The following FAM227B variants were observed in gnomAD, a reference collection of about 807,000 sequenced individuals.
FAM227B encodes protein FAM227B.
A neutral mutation model predicts 73.8 loss-of-function variants in FAM227B; 88 were observed. The ratio of observed to expected loss-of-function variants is 1.19; its 90% CI spans 1.00 to 1.42. The LOEUF (loss-of-function observed/expected upper bound fraction) is 1.42, where lower values mean the gene tolerates loss of function less well. Ranked by LOEUF, FAM227B falls within the 40% of genes most tolerant of loss-of-function variation. The pLI is 0.00. For missense variants in FAM227B, 632 were observed against 590.9 expected (o/e 1.07, Z -0.72); for synonymous variants, 210 against 190.5 (o/e 1.10, Z -0.84).
intron 11 of FAM227B, among the ~76,000 whole-genome samples, chr15:49,490,364 C>G (rs1328253550): frequency 6.6e-6 from 1 of 151,926 alleles, no homozygotes; most frequent in Non-Finnish European, 1.5e-5. Flanking sequence ...CAAAGTGATT[C>G]TGTTAAAATA....
At chr15:49,480,763 G>T (rs1365108376) in intron 11 of FAM227B, among the ~76,000 whole-genome samples, 6 of 152,130 alleles carry the variant, frequency 3.9e-5, no homozygotes, top group African/African-American at 1.4e-4. Flanking sequence ...GATTACAGGT[G>T]TGAGCTACCA....
chr15:49,583,953 T>C (rs1211091857), intron 5 of FAM227B, among the ~76,000 whole-genome samples: 3 of 152,152 alleles, frequency 2.0e-5, no homozygotes, highest in Admixed American at 6.5e-5. Flanking sequence ...GCTGGTACCA[T>C]ACCTGCTGAA....
chr15:49,601,516 C>T (rs2077204384), intron 3 of FAM227B, among the ~76,000 whole-genome samples: 1 of 151,852 alleles, frequency 6.6e-6, no homozygotes, highest in Non-Finnish European at 1.5e-5. Context: ...TTTGTGGGTG[C>T]ATGGTAGGTA....
At chr15:49,372,440 G>C (rs2045908329) in intron 11 of FAM227B, among the ~76,000 whole-genome samples, 1 of 152,110 alleles carries the variant, frequency 6.6e-6, no homozygotes, top group Admixed American at 6.6e-5. Flanking sequence ...GACATAAATT[G>C]GGTCTTTTGC....
chr15:49,360,118 T>G (rs2043939439), intron 13 of FAM227B, among the ~76,000 whole-genome samples: 1 of 148,288 alleles, frequency 6.7e-6, no homozygotes. Context: ...AGGGATAGCA[T>G]CAGGAGATAT....
At chr15:49,394,729 A>T (rs1316884992) in intron 11 of FAM227B, among the ~76,000 whole-genome samples, 1 of 152,176 alleles carries the variant, frequency 6.6e-6, no homozygotes, top group Non-Finnish European at 1.5e-5. Flanking sequence ...AGCCATGTTT[A>T]ATTTAGGTAA....
rs556204525 is a variant in FAM227B at position 49,407,720 on chromosome 15, T to G, written c.1013-36321A>C. Reference sequence around the variant, plus strand: ...GTATTTATATATGAGGTATCATTTATATGCTGTAATTTTCACCTTTAGTTT... The same window carrying G: ...GTATTTATATATGAGGTATCATTTAGATGCTGTAATTTTCACCTTTAGTTT... On this transcript the variant is annotated intron_variant, in intron 11 of 15. Transcript: ENST00000299338. Among the ~76,000 whole-genome samples, 139 of 150,268 alleles carry G rather than the reference T, an allele frequency of 9.3e-4. 5 individuals carry two copies. The South Asian group carries it at 0.028, about 30-fold the overall frequency.
chr15:49,479,292 TG>T (rs2055663708), intron 11 of FAM227B, among the ~76,000 whole-genome samples: 1 of 152,176 alleles, frequency 6.6e-6, no homozygotes, highest in South Asian at 2.1e-4. Context: ...TATGCTATCA[TG>T]GACATTATGT....
At position 49,351,679 on chromosome 15, in the gene FAM227B, T is replaced by A. The variant is rs115456489; in HGVS notation, c.1271+15769A>T. On this transcript the variant is annotated intron_variant, in intron 13 of 15. Coordinates refer to ENST00000299338, the MANE Select transcript of FAM227B (RefSeq NM_152647.3). ...TGCTCTTGGAATCAATACCTGTGGT[T>A]TCAAGGGAATAAAGTAACATTGGAC... 5.6e-3 allele frequency among the ~76,000 whole-genome samples: 857 copies of A among 152,220 alleles called. 6 individuals carry two copies. The highest frequency in any genetic ancestry group is 0.02 in the African/African-American group (817 of 41,526).
intron 11 of FAM227B, among the ~76,000 whole-genome samples, chr15:49,406,297 C>T (rs1000874750): frequency 1.3e-5 from 2 of 152,152 alleles, no homozygotes; most frequent in African/African-American, 4.8e-5. Flanking sequence ...CAGGGTGCTA[C>T]TGGATGCCAG....
intron 3 of FAM227B, among the ~76,000 whole-genome samples, chr15:49,594,103 T>C (rs1035320784): frequency 2.0e-5 from 3 of 152,136 alleles, no homozygotes; most frequent in African/African-American, 7.2e-5. Context: ...ATATAATTTT[T>C]TAATTTTGGC....
intron 11 of FAM227B, among the ~76,000 whole-genome samples, chr15:49,400,984 G>T (rs965421711): frequency 6.7e-6 from 1 of 150,274 alleles, no homozygotes; most frequent in Non-Finnish European, 1.5e-5. Context: ...GTCAACAAAA[G>T]ACAAAATTGA....
At chr15:49,537,526 A>C (rs975633953) in intron 10 of FAM227B, among the ~76,000 whole-genome samples, 1 of 152,150 alleles carries the variant, frequency 6.6e-6, no homozygotes, top group Non-Finnish European at 1.5e-5. Context: ...AGAAATTTAA[A>C]ATAGAACTAC....
intron 11 of FAM227B, among the ~76,000 whole-genome samples, chr15:49,384,270 C>T (rs563468793): frequency 2.2e-4 from 34 of 152,170 alleles, no homozygotes; most frequent in African/African-American, 7.9e-4. Context: ...TGTATGAACT[C>T]CTCAATTTCT....
intron 13 of FAM227B, 79 bp downstream of exon 13, chr15:49,367,369 C>CAATTGAGAAACA: frequency 4.9e-6 from 6 of 1,236,426 alleles, no homozygotes; most frequent in Non-Finnish European, 6.6e-6. Context: ...ATTTGTTTCT[C>CAATTGAGAAACA]AATTGAGACA....
chr15:49,591,362 ACCCT>A (rs1318266574), intron 3 of FAM227B, among the ~76,000 whole-genome samples: 30 of 102,408 alleles, frequency 2.9e-4, no homozygotes, highest in African/African-American at 9.8e-4. Context: ...GAGCCACCAC[ACCCT>A]CCCTCCCTCC....
chr15:49,523,464 C>T (rs182293393), intron 10 of FAM227B, among the ~76,000 whole-genome samples: 25 of 152,284 alleles, frequency 1.6e-4, no homozygotes, highest in African/African-American at 5.8e-4. Flanking sequence ...TGTGAGGCCT[C>T]CCCAGCCATG....
At position 49,328,569 on chromosome 15, in the gene FAM227B, TA is replaced by T; in HGVS notation, c.1525del (p.Ter509LysfsTer6). The T allele has an allele frequency of 5.6e-6, 9 of 1,605,034 alleles. No homozygotes were observed. Among genetic ancestry groups the T allele is most frequent in the Non-Finnish European group, 7.7e-6 (9 of 1,173,976 alleles). ...DNYNFEEEEY* is the reference protein window; with the variant it reads ...DNYNFEEEEYX The stretch of plus-strand genomic sequence containing the variant: ...AATAGAGTTCATTTCTGGTTTCTCT[TA>T]GTATTCTTCTTCCTCAAAGTTGTAG... On this transcript the variant is annotated frameshift_variant and stop_lost, in exon 16 of 16. Coordinates refer to ENST00000299338, the MANE Select transcript of FAM227B (RefSeq NM_152647.3). LOFTEE classifies it high-confidence loss of function.
Position 49,328,606 on chromosome 15 carries a change from A to ATGATGG in FAM227B, c.1483_1488dup (p.Pro495_Ser496dup), listed in dbSNP as rs756949145. 11 of 1,592,016 alleles carry ATGATGG rather than the reference A, an allele frequency of 6.9e-6. No homozygotes were observed. In the South Asian group the frequency reaches 7.9e-5, roughly 11 times the overall value. On this transcript the variant is annotated inframe_insertion, in exon 16 of 16. Coordinates refer to ENST00000299338, the MANE Select transcript of FAM227B (RefSeq NM_152647.3). ...TCCTCAAAGTTGTAGTTGTCTGTTGATGATGGTGATGATGATGATGATGAC... is the reference window on the plus strand; with the variant it reads ...TCCTCAAAGTTGTAGTTGTCTGTTGATGATGGTGATGGTGATGATGATGATGATGAC...
Sources: allele counts gnomAD v4.1 joint callset (sites outside exome capture counted in the v4.1 genomes callset), GRCh38; gene constraint gnomAD v4.1.1; transcripts MANE v1.5; gene names NCBI Gene and HGNC (gene_info 2026-07-23, HGNC 2026-07-21).